The following TCF7 variants were observed in gnomAD, a reference collection of about 807,000 sequenced individuals.
The protein encoded by TCF7 is T-cell-factor-7.
In TCF7, 19 loss-of-function variants were observed where a neutral mutation model predicts 46.8. That is an observed-to-expected ratio of 0.41 (90% CI 0.28 to 0.60). The LOEUF is 0.60. Ranked by LOEUF, TCF7 falls within the 20% of genes least tolerant of loss-of-function variation. The pLI is 0.35. For missense variants in TCF7, 547 were observed against 504.6 expected (o/e 1.08, Z -0.81); for synonymous variants, 245 against 213.4 (o/e 1.15, Z -1.29).
chr5:134,119,842 G>T (rs1286334750), intron 3 of TCF7, among the ~76,000 whole-genome samples: 1 of 152,264 alleles, frequency 6.6e-6, no homozygotes, highest in African/African-American at 2.4e-5. Context: ...GCCCCAGAGC[G>T]AGCTGTGGGC....
chr5:134,115,428 G>T, intron 2 of TCF7, 41 bp downstream of exon 2: 2 of 1,566,644 alleles, frequency 1.3e-6, no homozygotes, highest in Non-Finnish European at 1.7e-6. Context: ...GTCGCGCTCA[G>T]GCCCTGGCCT....
rs756133620 is a variant in TCF7 at position 134,142,107 on chromosome 5, T to C, written c.636-78T>C. ...TCACCTGTGTCCTCAAGTTATGTAT[T>C]ATGCAGGGGCCTCTGTGTGTGTCCA... is the stretch of plus-strand genomic sequence containing the variant. On this transcript the variant is annotated intron_variant, in intron 5 of 9. Coordinates refer to ENST00000342854, the MANE Select transcript of TCF7 (RefSeq NM_003202.5). The C allele has an allele frequency of 8.2e-6, 13 of 1,593,246 alleles. No individual in the cohort carries two copies. The South Asian group carries it at 1.2e-4, about 15-fold the overall frequency.
chr5:134,125,750 T>C (rs2149300166), intron 3 of TCF7, among the ~76,000 whole-genome samples: 1 of 152,328 alleles, frequency 6.6e-6, no homozygotes, highest in East Asian at 1.9e-4. Context: ...CACTGTCCAA[T>C]GCTGGACGAG....
chr5:134,115,615 C>T (rs1755698940), intron 2 of TCF7: 10 of 1,432,272 alleles, frequency 7.0e-6, no homozygotes, highest in South Asian at 1.5e-5. Context: ...CCATCCCCGC[C>T]TCCCCTCCTG....
At chr5:134,133,647 G>A (rs951117787) in intron 3 of TCF7, among the ~76,000 whole-genome samples, 1 of 152,120 alleles carries the variant, frequency 6.6e-6, no homozygotes, top group African/African-American at 2.4e-5. Flanking sequence ...CTAAGAGGCA[G>A]CCTGCATGAA....
At chr5:134,137,971 G>C in intron 3 of TCF7, 88 bp from the exon 4 acceptor site, 1 of 1,149,334 alleles carries the variant, frequency 8.7e-7, no homozygotes, top group Non-Finnish European at 1.2e-6. Flanking sequence ...ACTTTTCTTT[G>C]ACAGCTGGGC....
In TCF7 at chr5:134,115,041, G is replaced by A. The variant is rs760165461; in HGVS notation, c.135G>A (p.Glu45=). 8.6e-5 allele frequency: 107 copies of A among 1,237,506 alleles called. No homozygotes were observed. The highest frequency in any genetic ancestry group is 6.0e-5 in the Non-Finnish European group (58 of 965,074). The allele number at this position is 1,237,506 out of a possible 1,614,324, so 76.7% of individuals were successfully genotyped here. A position where few individuals can be genotyped will look rare whatever the true frequency, so the allele number is the denominator to read the frequency against. ...GCCGCGACAGCGCCGCCGGTCCCGA[G>A]CGCGACCTGGCCGAGCTCAAGTCGT... ...DKSRDSAAGP[E]RDLAELKSSL... The change falls in exon 1 of 10, where the codon GAG becomes GAA. Residue 45 remains glutamate (E), a synonymous_variant. Coordinates refer to ENST00000342854, the MANE Select transcript of TCF7 (RefSeq NM_003202.5).
intron 4 of TCF7, 90 bp downstream of exon 4, chr5:134,138,254 T>C: frequency 5.9e-6 from 7 of 1,195,714 alleles, no homozygotes; most frequent in Non-Finnish European, 8.5e-6. Flanking sequence ...GGGTCCATTT[T>C]ATAACTGGAG....
intron 3 of TCF7, among the ~76,000 whole-genome samples, chr5:134,116,509 G>A (rs1458080103): frequency 6.6e-6 from 1 of 152,228 alleles, no homozygotes; most frequent in Non-Finnish European, 1.5e-5. Context: ...TGCTGTGTTC[G>A]GTCGGCTGTG....
At chr5:134,123,669 G>A (rs528205573) in intron 3 of TCF7, 3 of 456,040 alleles carry the variant, frequency 6.6e-6, no homozygotes, top group South Asian at 3.1e-5. Flanking sequence ...GGAGAAGAAG[G>A]TCCCAGCCTG....
chr5:134,115,238 G>A, intron 1 of TCF7, 83 bp downstream of exon 1: 4 of 1,357,468 alleles, frequency 2.9e-6, no homozygotes, highest in Non-Finnish European at 3.9e-6. Context: ...GGGGTCTCCA[G>A]CGCGCAGAGC....
chr5:134,132,205 G>A (rs763810630), intron 3 of TCF7, among the ~76,000 whole-genome samples: 59 of 152,344 alleles, frequency 3.9e-4, no homozygotes, highest in Non-Finnish European at 6.6e-4. Flanking sequence ...TCAGGTGGGC[G>A]TAGTAGTTGT....
chr5:134,112,443 T>A (rs901043367), upstream of TCF7, among the ~76,000 whole-genome samples: 1 of 152,204 alleles, frequency 6.6e-6, no homozygotes, highest in Non-Finnish European at 1.5e-5. Flanking sequence ...TGTGGATGCC[T>A]GTGACTCAGC....
intron 9 of TCF7, chr5:134,145,897 C>A: frequency 6.4e-7 from 1 of 1,556,184 alleles, no homozygotes; most frequent in Non-Finnish European, 8.7e-7. Flanking sequence ...CCCACAAACA[C>A]ATCTGGAGAA....
At chr5:134,129,245 G>T (rs1185716492) in intron 3 of TCF7, among the ~76,000 whole-genome samples, 1 of 152,250 alleles carries the variant, frequency 6.6e-6, no homozygotes, top group Non-Finnish European at 1.5e-5. Context: ...TCAGTTGGCT[G>T]TTACTAGTGG....
chr5:134,125,760 G>C (rs1757263314), intron 3 of TCF7, among the ~76,000 whole-genome samples: 1 of 152,226 alleles, frequency 6.6e-6, no homozygotes, highest in Admixed American at 6.5e-5. Context: ...TGCTGGACGA[G>C]AGTCACTGCC....
Position 134,115,108 on chromosome 5 carries a change from A to ATCCCGGGGG in TCF7, c.212_220dup (p.Val71_Gly73dup). The stretch of plus-strand genomic sequence containing the variant: ...CGAGGGCGCGGCCGGCGGCGCAGGG[A>ATCCCGGGGG]TCCCGGGGGTCCCGGGGGCCGGCGC... On this transcript the variant is annotated inframe_insertion, in exon 1 of 10. Coordinates refer to ENST00000342854, the MANE Select transcript of TCF7 (RefSeq NM_003202.5). The ATCCCGGGGG allele has an allele frequency of 3.8e-6, 4 of 1,041,388 alleles. No homozygotes were observed. Among genetic ancestry groups the ATCCCGGGGG allele is most frequent in the African/African-American group, 1.7e-5 (1 of 57,474 alleles). 64.5% of individuals were successfully genotyped at this position (1,041,388 alleles called of 1,614,324 possible).
chr5:134,138,957 G>A lies in TCF7; in HGVS notation c.554G>A (p.Arg185Lys), dbSNP rs1209050251. ...CAGCTTCTCTCCTCTGCAGTTCACA[G>A]GCCTCTGCAGACCCCTGACCTCTCT... ...PADISQKQVH[R>K]PLQTPDLSGF... The change falls in exon 5 of 10, where the codon AGG (arginine) becomes AAG (lysine). Residue 185 changes from arginine (R) to lysine (K), a missense_variant. Arg to Lys is a conservative substitution (Grantham distance 26, BLOSUM62 2). Transcript: ENST00000342854. 6.2e-7 allele frequency: 1 copy of A among 1,613,814 alleles called. No homozygotes were observed. Among genetic ancestry groups the A allele is most frequent in the Non-Finnish European group, 8.5e-7 (1 of 1,180,006 alleles).
intron 3 of TCF7, among the ~76,000 whole-genome samples, chr5:134,132,929 A>G (rs556194377): frequency 6.6e-6 from 1 of 152,336 alleles, no homozygotes; most frequent in East Asian, 1.9e-4. Context: ...ATTCCTAGCC[A>G]TGGGCTAAGG....
Sources: allele counts gnomAD v4.1 joint callset (sites outside exome capture counted in the v4.1 genomes callset), GRCh38; gene constraint gnomAD v4.1.1; transcripts MANE v1.5; gene names NCBI Gene and HGNC (gene_info 2026-07-23, HGNC 2026-07-21).